The following GREM2 variants were observed in gnomAD, a reference collection of about 807,000 sequenced individuals.
GREM2 encodes the protein gremlin 2, DAN family BMP antagonist.
GREM2 carries 11 observed loss-of-function variants against 14.2 expected under a neutral mutation model. The ratio of observed to expected loss-of-function variants is 0.78; its 90% CI spans 0.49 to 1.28. The LOEUF (loss-of-function observed/expected upper bound fraction) is 1.28, where lower values mean the gene tolerates loss of function less well. GREM2 is among the 50% of genes most tolerant of loss of function. GREM2 has a pLI of 0.00. For synonymous variants in GREM2, 98 were observed against 97.6 expected (o/e 1.00, Z -0.02); for missense variants, 210 against 218.5 (o/e 0.96, Z 0.24).
chr1:240,611,803 C>A (rs3748533), intron 1 of GREM2, 81 bp downstream of exon 1: 2 of 152,482 alleles, frequency 1.3e-5, no homozygotes, highest in African/African-American at 2.4e-5. Flanking sequence ...GAACAAACAA[C>A]GTCAATTCAT....
chr1:240,531,754 A>C (rs190019537), intron 1 of GREM2: 3 of 875,990 alleles, frequency 3.4e-6, no homozygotes, highest in Non-Finnish European at 4.1e-6. Context: ...TGTTGCCCAG[A>C]CTGGAGAGCA....
chr1:240,524,572 G>T (rs962949140), intron 1 of GREM2, among the ~76,000 whole-genome samples: 2 of 152,172 alleles, frequency 1.3e-5, no homozygotes, highest in Admixed American at 6.5e-5. Flanking sequence ...TGGGTTAATT[G>T]CTCACAGTAC....
At chr1:240,519,971 T>C (rs10802882) in intron 1 of GREM2, among the ~76,000 whole-genome samples, 2 of 151,838 alleles carry the variant, frequency 1.3e-5, no homozygotes, top group Non-Finnish European at 2.9e-5. Flanking sequence ...TCCCAGCTAC[T>C]CAGGAGGCTG....
At chr1:240,554,715 T>C (rs770110754) in intron 1 of GREM2, among the ~76,000 whole-genome samples, 1 of 152,246 alleles carries the variant, frequency 6.6e-6, no homozygotes, top group Non-Finnish European at 1.5e-5. Flanking sequence ...ATGGTTTTCA[T>C]GTATGCTTAA....
chr1:240,593,677 A>G (rs1207190812), intron 1 of GREM2, among the ~76,000 whole-genome samples: 1 of 152,196 alleles, frequency 6.6e-6, no homozygotes, highest in Non-Finnish European at 1.5e-5. Context: ...TTCATGGCGG[A>G]ATCCTTCACA....
chr1:240,522,725 A>T (rs955437087), intron 1 of GREM2, among the ~76,000 whole-genome samples: 1 of 152,198 alleles, frequency 6.6e-6, no homozygotes, highest in Admixed American at 6.5e-5. Context: ...AATACATTGC[A>T]ACTTCGTGCT....
chr1:240,535,883 A>G (rs2103320185), intron 1 of GREM2, among the ~76,000 whole-genome samples: 1 of 152,270 alleles, frequency 6.6e-6, no homozygotes, highest in East Asian at 1.9e-4. Context: ...AAGCCTAGTC[A>G]AGTCTCCCAT....
At chr1:240,495,556 G>A (rs1013797099) in intron 1 of GREM2, among the ~76,000 whole-genome samples, 6 of 152,086 alleles carry the variant, frequency 3.9e-5, no homozygotes, top group Admixed American at 2.0e-4. Context: ...ATGTATAGAC[G>A]TATTTAATGA....
At chr1:240,610,245 AT>A (rs1263079126) in intron 1 of GREM2, among the ~76,000 whole-genome samples, 1 of 152,216 alleles carries the variant, frequency 6.6e-6, no homozygotes, top group African/African-American at 2.4e-5. Context: ...CGATTAACTT[AT>A]ATTTATTTGC....
At chr1:240,519,662 T>G (rs1460654380) in intron 1 of GREM2, among the ~76,000 whole-genome samples, 1 of 152,236 alleles carries the variant, frequency 6.6e-6, no homozygotes, top group Admixed American at 6.5e-5. Flanking sequence ...TCCTTATTGT[T>G]TGTCTACTCT....
intron 1 of GREM2, among the ~76,000 whole-genome samples, chr1:240,515,368 G>A (rs763107952): frequency 1.3e-5 from 2 of 152,078 alleles, no homozygotes; most frequent in Admixed American, 6.5e-5. Context: ...GGACCTACGA[G>A]TCCAACTTCT....
chr1:240,580,732 C>G (rs983774879), intron 1 of GREM2, among the ~76,000 whole-genome samples: 12 of 152,028 alleles, frequency 7.9e-5, no homozygotes, highest in Non-Finnish European at 1.8e-4. Context: ...GCCACCACAC[C>G]CAATTATATT....
intron 1 of GREM2, among the ~76,000 whole-genome samples, chr1:240,602,160 A>C (rs2102871711): frequency 6.6e-6 from 1 of 152,304 alleles, no homozygotes; most frequent in Non-Finnish European, 1.5e-5. Flanking sequence ...AAATTTTCAG[A>C]GCTTGCCCAG....
In GREM2 at chr1:240,563,055, TAGTG is replaced by T. The variant is rs543559076; in HGVS notation, c.-2+48825_-2+48828del. Reference sequence around the variant, plus strand: ...ATGAGTGTGTATGTGTGTATGTGTATAGTGAGTGTGTATGTGTGTATATGTGAGT... The same window carrying T: ...ATGAGTGTGTATGTGTGTATGTGTATAGTGTGTATGTGTGTATATGTGAGT... On this transcript the variant is annotated intron_variant, in intron 1 of 1. Coordinates refer to ENST00000318160, the MANE Select transcript of GREM2 (RefSeq NM_022469.4). 3.7e-4 allele frequency among the ~76,000 whole-genome samples: 55 copies of T among 149,252 alleles called. 1 individual carries two copies. Among genetic ancestry groups the T allele is most frequent in the African/African-American group, 6.7e-4 (27 of 40,484 alleles).
chr1:240,516,339 T>C (rs12143396), intron 1 of GREM2, among the ~76,000 whole-genome samples: 61,290 of 151,862 alleles, frequency 0.4, 12,695 homozygotes, highest in East Asian at 0.72. Flanking sequence ...CAGTTATGAG[T>C]AACTGTGTAA....
intron 1 of GREM2, among the ~76,000 whole-genome samples, chr1:240,597,842 C>T (rs563503136): frequency 8.4e-4 from 128 of 152,254 alleles, no homozygotes; most frequent in African/African-American, 3.0e-3. Flanking sequence ...TCTTTTCATG[C>T]ACCCCCGAAA....
intron 1 of GREM2, among the ~76,000 whole-genome samples, chr1:240,604,777 G>T (rs1236464755): frequency 6.6e-6 from 1 of 152,178 alleles, no homozygotes; most frequent in Non-Finnish European, 1.5e-5. Flanking sequence ...GGCAAACATG[G>T]TGAGACCCAT....
chr1:240,500,897 A>G (rs749523496), intron 1 of GREM2, among the ~76,000 whole-genome samples: 1 of 147,028 alleles, frequency 6.8e-6, no homozygotes, highest in Non-Finnish European at 1.5e-5. Flanking sequence ...GTCACAGGAT[A>G]TGTACAACTT....
chr1:240,586,655 C>T (rs1365520772), intron 1 of GREM2, among the ~76,000 whole-genome samples: 1 of 152,168 alleles, frequency 6.6e-6, no homozygotes, highest in African/African-American at 2.4e-5. Flanking sequence ...ACTGCATGTA[C>T]CCATGATGTT....
Sources: allele counts gnomAD v4.1 joint callset (sites outside exome capture counted in the v4.1 genomes callset), GRCh38; gene constraint gnomAD v4.1.1; transcripts MANE v1.5; gene names NCBI Gene and HGNC (gene_info 2026-07-23, HGNC 2026-07-21).